ATP8A2: variants seen among roughly 807,000 people sequenced by gnomAD.
The protein encoded by ATP8A2 is ATPase phospholipid transporting 8A2.
Under a neutral mutation model 165.6 loss-of-function variants are expected in ATP8A2, and 100 were observed. The ratio of observed to expected loss-of-function variants is 0.60; its 90% CI spans 0.51 to 0.71. The LOEUF (loss-of-function observed/expected upper bound fraction) is 0.71. Among genes scored for constraint, ATP8A2 ranks in the 30% least tolerant of loss-of-function variants. The pLI is 0.00. For missense variants in ATP8A2, 1,227 were observed against 1,479.5 expected, an observed-to-expected ratio of 0.83 and a Z score of 2.80; for synonymous variants, 543 against 548.8, an observed-to-expected ratio of 0.99 and a Z score of 0.15.
At chr13:25,504,746 C>CAAA (rs34066777) in intron 2 of ATP8A2, among the ~76,000 whole-genome samples, 31,265 of 84,346 alleles carry the variant, frequency 0.37, 5,945 homozygotes, top group Non-Finnish European at 0.44. Context: ...GACTCCGTCT[C>CAAA]AAAAAAAAAA....
chr13:25,675,998 T>G (rs1227050756), intron 24 of ATP8A2, among the ~76,000 whole-genome samples: 1 of 152,210 alleles, frequency 6.6e-6, no homozygotes, highest in Non-Finnish European at 1.5e-5. Flanking sequence ...ACTTGATCCT[T>G]ATTCTATACA....
intron 1 of ATP8A2, among the ~76,000 whole-genome samples, chr13:25,430,878 A>G (rs970375780): frequency 1.3e-5 from 2 of 151,818 alleles, no homozygotes; most frequent in African/African-American, 4.8e-5. Flanking sequence ...GATTATAGGC[A>G]TGTGCCACCA....
chr13:25,708,675 T>A (rs2043101443), intron 25 of ATP8A2, among the ~76,000 whole-genome samples: 1 of 152,202 alleles, frequency 6.6e-6, no homozygotes, highest in Non-Finnish European at 1.5e-5. Flanking sequence ...GTCAGCAAGG[T>A]GTAGCCACAT....
chr13:25,964,040 G>A (rs1161259754), intron 34 of ATP8A2, among the ~76,000 whole-genome samples: 2 of 152,228 alleles, frequency 1.3e-5, no homozygotes, highest in Admixed American at 6.5e-5. Context: ...GGGCAAGCAA[G>A]GAAGGCTAAG....
chr13:26,016,488 G>T (rs552413066), intron 36 of ATP8A2, among the ~76,000 whole-genome samples: 1 of 152,152 alleles, frequency 6.6e-6, no homozygotes, highest in Admixed American at 6.5e-5. Context: ...AGAAACCCCC[G>T]GAGTTGGGTT....
At chr13:25,675,069 C>T (rs936992211) in intron 24 of ATP8A2, among the ~76,000 whole-genome samples, 9 of 152,142 alleles carry the variant, frequency 5.9e-5, no homozygotes, top group African/African-American at 2.2e-4. Context: ...TTCCCTTTGC[C>T]CCTAAGTTTC....
At chr13:25,789,723 A>G (rs1366369043) in intron 27 of ATP8A2, among the ~76,000 whole-genome samples, 8 of 152,196 alleles carry the variant, frequency 5.3e-5, no homozygotes, top group African/African-American at 1.9e-4. Context: ...ACTAGAAAAA[A>G]CTTTTAAAAT....
intron 35 of ATP8A2, among the ~76,000 whole-genome samples, chr13:25,985,206 A>G (rs1009707358): frequency 3.3e-5 from 5 of 152,246 alleles, no homozygotes; most frequent in Non-Finnish European, 5.9e-5. Context: ...GCTGGTTACA[A>G]GAATGGAAAA....
chr13:25,506,948 T>TATATATAA (rs2037059173), intron 2 of ATP8A2, among the ~76,000 whole-genome samples: 1 of 146,890 alleles, frequency 6.8e-6, no homozygotes, highest in Admixed American at 6.8e-5. Context: ...TACATATATA[T>TATATATAA]ATATATATAT....
intron 24 of ATP8A2, among the ~76,000 whole-genome samples, chr13:25,634,205 A>T (rs1320579711): frequency 1.3e-5 from 2 of 152,160 alleles, no homozygotes; most frequent in African/African-American, 4.8e-5. Flanking sequence ...CTGTTTCAGG[A>T]GACAGCATCT....
At chr13:25,889,285 G>A (rs1429187299) in intron 33 of ATP8A2, among the ~76,000 whole-genome samples, 1 of 97,458 alleles carries the variant, frequency 1.0e-5, no homozygotes, top group African/African-American at 5.3e-5. Flanking sequence ...AAATTTAAAT[G>A]ATTTTAAAAA....
intron 33 of ATP8A2, among the ~76,000 whole-genome samples, chr13:25,939,193 G>A (rs532771904): frequency 9.2e-5 from 14 of 152,112 alleles, no homozygotes; most frequent in South Asian, 4.2e-4. Context: ...TTTCACCAGC[G>A]TGCTCCTTTT....
At chr13:25,555,200 T>C (rs2038945265) in intron 13 of ATP8A2, 132 bp downstream of exon 13, 1 of 627,844 alleles carries the variant, frequency 1.6e-6, no homozygotes, top group Admixed American at 2.8e-5. Flanking sequence ...TGAAGAGCTA[T>C]ATAATACTTT....
At chr13:25,373,618 T>G (rs927768385) in intron 1 of ATP8A2, among the ~76,000 whole-genome samples, 5 of 152,100 alleles carry the variant, frequency 3.3e-5, no homozygotes, top group Non-Finnish European at 5.9e-5. Flanking sequence ...GGGGCTTCAG[T>G]ACAAGAAAAG....
intron 1 of ATP8A2, among the ~76,000 whole-genome samples, chr13:25,386,453 C>G (rs934471393): frequency 6.6e-6 from 1 of 152,202 alleles, no homozygotes; most frequent in Non-Finnish European, 1.5e-5. Context: ...TGTACTTCAG[C>G]AAACTATGCT....
intron 33 of ATP8A2, among the ~76,000 whole-genome samples, chr13:25,886,060 T>G (rs989962408): frequency 6.6e-6 from 1 of 152,202 alleles, no homozygotes; most frequent in Non-Finnish European, 1.5e-5. Flanking sequence ...CTGCTGATGC[T>G]CCACTGTATT....
intron 33 of ATP8A2, among the ~76,000 whole-genome samples, chr13:25,925,937 G>A (rs1954593886): frequency 1.3e-5 from 2 of 151,988 alleles, no homozygotes. Context: ...TATTGGCCAG[G>A]CTGGTCTTAA....
rs941074373 is a variant in ATP8A2 at position 25,451,795 on chromosome 13, A to G, written c.77-17182A>G. On this transcript the variant is annotated intron_variant, in intron 1 of 36. Coordinates refer to ENST00000381655, the MANE Select transcript of ATP8A2 (RefSeq NM_016529.6). ...ACTGGGTTCAGTTTTCAGAATCTCA[A>G]TGTAGAGTTTAAAAGGGGAAAAGGT... Among the ~76,000 whole-genome samples, 19 of 151,828 alleles carry G rather than the reference A, an allele frequency of 1.3e-4. 1 individual carries two copies. Among genetic ancestry groups the G allele is most frequent in the Admixed American group, 1.2e-3 (18 of 15,240 alleles).
chr13:25,669,038 T>C (rs896501650), intron 24 of ATP8A2, among the ~76,000 whole-genome samples: 1 of 152,202 alleles, frequency 6.6e-6, no homozygotes, highest in African/African-American at 2.4e-5. Context: ...TTGAGCTTCT[T>C]GGGGAATAGT....
Sources: gnomAD v4.1 joint callset for allele counts (sites outside exome capture counted in the v4.1 genomes callset) on GRCh38, gnomAD v4.1.1 for gene constraint, MANE v1.5 for transcripts, NCBI Gene and HGNC (gene_info 2026-07-23, HGNC 2026-07-21) for gene names.